CAST: variants seen among roughly 807,000 people sequenced by gnomAD.
The protein encoded by CAST is MIR583 host.
CAST carries 76 observed loss-of-function variants against 119.6 expected under a neutral mutation model. That is an observed-to-expected ratio of 0.64 (90% CI 0.53 to 0.77). The LOEUF (loss-of-function observed/expected upper bound fraction) is 0.77, where lower values mean the gene tolerates loss of function less well. CAST is among the 30% of genes least tolerant of loss of function. The probability of loss-of-function intolerance (pLI) is 0.00; values close to 1 mark genes in which losing one functional copy is unlikely to be tolerated. For missense variants in CAST, 953 were observed against 946.5 expected (o/e 1.01, Z -0.09); for synonymous variants, 319 against 331.6 (o/e 0.96, Z 0.41).
chr5:96,625,913 T>C (rs1480125031), intron 1 of CAST, among the ~76,000 whole-genome samples: 1 of 152,172 alleles, frequency 6.6e-6, no homozygotes, highest in African/African-American at 2.4e-5. Flanking sequence ...TCACTCCTCC[T>C]GGACTCCCCA....
chr5:96,508,703 T>C, the CAST span, among the ~76,000 whole-genome samples: 2 of 152,174 alleles, frequency 1.3e-5, no homozygotes, highest in Non-Finnish European at 2.9e-5. Context: ...ATTGTGGAAG[T>C]TGGAGGGTCT....
the CAST span, among the ~76,000 whole-genome samples, chr5:96,162,343 C>A: frequency 6.6e-6 from 1 of 152,164 alleles, no homozygotes; most frequent in South Asian, 2.1e-4. Context: ...TTATAGAATG[C>A]TTTTCCTACA....
At chr5:96,429,228 T>C in the CAST span, 742 of 1,544,378 alleles carry the variant, frequency 4.8e-4, 1 homozygote, top group Non-Finnish European at 5.6e-4. Context: ...CATCATCAGA[T>C]AATCTCTTAG....
chr5:96,351,909 C>T, the CAST span, among the ~76,000 whole-genome samples: 2 of 152,134 alleles, frequency 1.3e-5, no homozygotes, highest in Non-Finnish European at 2.9e-5. Flanking sequence ...CTAAAAGGAT[C>T]ACAGAAAAGT....
At chr5:96,477,329 G>T in the CAST span, among the ~76,000 whole-genome samples, 3 of 151,196 alleles carry the variant, frequency 2.0e-5, no homozygotes, top group African/African-American at 7.3e-5. Flanking sequence ...CACACACACA[G>T]CTGGGGCATT....
At chr5:96,050,508 T>A in the CAST span, among the ~76,000 whole-genome samples, 1 of 152,004 alleles carries the variant, frequency 6.6e-6, no homozygotes, top group Non-Finnish European at 1.5e-5. Flanking sequence ...AAAGTGTGGG[T>A]TGAGATGGGC....
At chr5:96,550,658 A>G (rs376317750) in intron 1 of CAST, among the ~76,000 whole-genome samples, 20 of 152,336 alleles carry the variant, frequency 1.3e-4, no homozygotes, top group African/African-American at 4.8e-4. Flanking sequence ...CAAGGAAGCT[A>G]AAAATCTTGA....
chr5:96,740,140 T>A (rs759759015), intron 12 of CAST, 22 bp downstream of exon 12: 8 of 1,055,140 alleles, frequency 7.6e-6, no homozygotes, highest in African/African-American at 1.6e-5. Flanking sequence ...AATCATTTAC[T>A]TTTATTTCAC....
At chr5:96,721,677 G>C (rs1327255999) in intron 3 of CAST, among the ~76,000 whole-genome samples, 1 of 152,202 alleles carries the variant, frequency 6.6e-6, no homozygotes, top group Non-Finnish European at 1.5e-5. Flanking sequence ...TGGACTTTAA[G>C]TGTTAAGGAG....
intron 1 of CAST, among the ~76,000 whole-genome samples, chr5:96,571,466 G>A (rs1746564493): frequency 6.6e-6 from 1 of 152,146 alleles, no homozygotes; most frequent in Non-Finnish European, 1.5e-5. Context: ...TATTGATGGG[G>A]CTTGTGGCAG....
the CAST span, among the ~76,000 whole-genome samples, chr5:96,002,996 G>C: frequency 6.6e-6 from 1 of 151,998 alleles, no homozygotes; most frequent in East Asian, 1.9e-4. Context: ...AGCACTTTGG[G>C]AGGCCAAGGC....
chr5:96,187,078 G>A, the CAST span, among the ~76,000 whole-genome samples: 3 of 152,142 alleles, frequency 2.0e-5, no homozygotes, highest in Non-Finnish European at 4.4e-5. Flanking sequence ...TCAGTCTTGG[G>A]AGGCTGTATG....
the CAST span, among the ~76,000 whole-genome samples, chr5:96,026,899 T>A: frequency 6.6e-6 from 1 of 152,266 alleles, no homozygotes; most frequent in South Asian, 2.1e-4. Flanking sequence ...ATTAAACAAT[T>A]CCTCTTACTC....
intron 2 of CAST, among the ~76,000 whole-genome samples, chr5:96,690,315 T>TC (rs1425076485): frequency 6.6e-6 from 1 of 152,110 alleles, no homozygotes; most frequent in Admixed American, 6.5e-5. Context: ...CACTGCAACC[T>TC]CCATCTCCCA....
At chr5:96,765,146 T>C in intron 25 of CAST, 75 bp from the exon 26 acceptor site, 1 of 832,360 alleles carries the variant, frequency 1.2e-6, no homozygotes, top group Non-Finnish European at 2.0e-6. Flanking sequence ...CCTGAAAAGA[T>C]GGAGTTCCTG....
At chr5:96,563,338 G>T (rs1055557985) in intron 1 of CAST, among the ~76,000 whole-genome samples, 1 of 151,894 alleles carries the variant, frequency 6.6e-6, no homozygotes. Flanking sequence ...TATGGTTCTC[G>T]GCCATGGACC....
the CAST span, among the ~76,000 whole-genome samples, chr5:96,393,748 A>C: frequency 6.6e-6 from 1 of 152,226 alleles, no homozygotes; most frequent in East Asian, 1.9e-4. Context: ...ATATCAAAAT[A>C]TCTAACAAGT....
At chr5:96,108,948 C>G in the CAST span, among the ~76,000 whole-genome samples, 1 of 152,240 alleles carries the variant, frequency 6.6e-6, no homozygotes, top group South Asian at 2.1e-4. Context: ...TTAAGCCCAT[C>G]GGAAAAGCGC....
chr5:96,085,231 A>G, the CAST span, among the ~76,000 whole-genome samples: 2 of 152,220 alleles, frequency 1.3e-5, no homozygotes, highest in East Asian at 3.8e-4. Flanking sequence ...TATCAATTAA[A>G]AAAAAATAAA....
Sources: gnomAD v4.1 joint callset for allele counts (sites outside exome capture counted in the v4.1 genomes callset) on GRCh38, gnomAD v4.1.1 for gene constraint, MANE v1.5 for transcripts, NCBI Gene and HGNC (gene_info 2026-07-23, HGNC 2026-07-21) for gene names.